The following RBMS3 variants were observed in gnomAD, a reference collection of about 807,000 sequenced individuals.
The protein encoded by RBMS3 is RNA binding motif single stranded interacting protein 3, also known as RNA-binding motif, single-stranded-interacting protein 3.
Under a neutral mutation model 66.8 loss-of-function variants are expected in RBMS3, and 27 were observed. That is an observed-to-expected ratio of 0.40 (90% confidence interval 0.30 to 0.56). RBMS3 has a LOEUF of 0.56. RBMS3 is among the 20% of genes least tolerant of loss of function. The pLI, the probability that RBMS3 is intolerant of heterozygous loss-of-function variation, is 0.40. For synonymous variants in RBMS3, 188 were observed against 183.0 expected (o/e 1.03, Z -0.22); for missense variants, 513 against 549.5 (o/e 0.93, Z 0.66).
At chr3:29,722,318 A>C (rs1327541894) in intron 4 of RBMS3, among the ~76,000 whole-genome samples, 1 of 152,048 alleles carries the variant, frequency 6.6e-6, no homozygotes, top group African/African-American at 2.4e-5. Context: ...CATTTTCTCT[A>C]TTAATATATA....
intron 4 of RBMS3, among the ~76,000 whole-genome samples, chr3:29,703,673 G>T (rs575328775): frequency 6.6e-6 from 1 of 152,288 alleles, no homozygotes; most frequent in African/African-American, 2.4e-5. Flanking sequence ...AAACTCACCT[G>T]ATTAGAATGG....
rs531581982 is a variant in RBMS3, at chr3:29,541,349, G to A, written c.308-45765G>A. On this transcript the variant is annotated intron_variant, in intron 3 of 14. Transcript: ENST00000383767. ...CTTCCCAAACCGGCTCTTCTTGGAA[G>A]CTTTCCTAACTTAGTAAAAGTCAAC... Among the ~76,000 whole-genome samples the A allele has an allele frequency of 2.6e-5, 4 of 152,198 alleles. No individual in the cohort carries two copies. In the Middle Eastern group the frequency reaches 0.014, roughly 518 times the overall value.
chr3:29,344,324 A>C (rs1248245433), intron 1 of RBMS3, among the ~76,000 whole-genome samples: 2 of 152,184 alleles, frequency 1.3e-5, no homozygotes, highest in East Asian at 3.9e-4. Context: ...CTGTCACAGT[A>C]CCATGTGGTC....
intron 3 of RBMS3, among the ~76,000 whole-genome samples, chr3:29,559,029 G>A (rs905875673): frequency 6.6e-6 from 1 of 152,110 alleles, no homozygotes. Context: ...AGATAAGTCA[G>A]TGTGTGAGAC....
chr3:29,931,645 A>AACAAC (rs1338228071), intron 10 of RBMS3, among the ~76,000 whole-genome samples: 1 of 151,750 alleles, frequency 6.6e-6, no homozygotes, highest in Non-Finnish European at 1.5e-5. Flanking sequence ...AACAAAACAA[A>AACAAC]ACAAAACAAA....
chr3:29,887,056 T>C (rs2059889150), intron 8 of RBMS3, among the ~76,000 whole-genome samples: 1 of 151,840 alleles, frequency 6.6e-6, no homozygotes, highest in Non-Finnish European at 1.5e-5. Context: ...TTATTACTTA[T>C]ATACCATAAG....
At chr3:29,725,976 C>T (rs994980729) in intron 4 of RBMS3, among the ~76,000 whole-genome samples, 5 of 152,196 alleles carry the variant, frequency 3.3e-5, no homozygotes, top group Non-Finnish European at 1.5e-5. Flanking sequence ...ACTTGCAAAC[C>T]GAATCTGGCA....
At chr3:29,937,224 A>C (rs573109896) in intron 11 of RBMS3, among the ~76,000 whole-genome samples, 1 of 152,058 alleles carries the variant, frequency 6.6e-6, no homozygotes, top group Non-Finnish European at 1.5e-5. Context: ...TATCTAGTTG[A>C]AGTATTAAAC....
At chr3:29,909,842 TAAC>T (rs1350833838) in intron 10 of RBMS3, among the ~76,000 whole-genome samples, 1 of 152,118 alleles carries the variant, frequency 6.6e-6, no homozygotes, top group Admixed American at 6.6e-5. Context: ...GTTATTTTAC[TAAC>T]AACCTTTAAA....
chr3:29,698,242 G>T lies in RBMS3; in HGVS notation c.400-41478G>T, dbSNP rs9856084. The T allele has an allele frequency of 0.022, 21,735 of 985,282 alleles. 3,168 individuals carry two copies. In the African/African-American group the frequency reaches 0.32, roughly 15 times the overall value. The allele number at this position is 985,282 out of a possible 1,614,324, so 61.0% of individuals were successfully genotyped here. On this transcript the variant is annotated intron_variant, in intron 4 of 14. Transcript: ENST00000383767. ...TCCAGAAAGTTCTGAGTAATGCACAGAATTCTACATACACAGCAAATGCAG... is the reference window on the plus strand; with the variant it reads ...TCCAGAAAGTTCTGAGTAATGCACATAATTCTACATACACAGCAAATGCAG...
chr3:29,286,090 GT>G (rs2032304432), intron 1 of RBMS3, among the ~76,000 whole-genome samples: 1 of 152,104 alleles, frequency 6.6e-6, no homozygotes, highest in African/African-American at 2.4e-5. Context: ...TACAAAACTA[GT>G]TTTCTAAAAT....
At chr3:29,819,398 A>G in intron 6 of RBMS3, among the ~76,000 whole-genome samples, 1 of 152,240 alleles carries the variant, frequency 6.6e-6, no homozygotes, top group Non-Finnish European at 1.5e-5. Context: ...AACTTTATTT[A>G]CATAAACAGA....
intron 2 of RBMS3, among the ~76,000 whole-genome samples, chr3:29,448,674 G>T (rs1039733199): frequency 6.6e-6 from 1 of 152,154 alleles, no homozygotes; most frequent in Non-Finnish European, 1.5e-5. Flanking sequence ...TACTCTTTCT[G>T]GTTTGCTCAG....
At chr3:29,997,194 T>A (rs910277179) in intron 14 of RBMS3, among the ~76,000 whole-genome samples, 65 of 152,210 alleles carry the variant, frequency 4.3e-4, no homozygotes, top group Non-Finnish European at 1.3e-4. Context: ...CCTGGACACA[T>A]ACACTCTCTC....
rs140263327 is a variant in RBMS3 at position 29,771,245 on chromosome 3, T to A, written c.637+8256T>A. Among the ~76,000 whole-genome samples the A allele has an allele frequency of 2.6e-4, 40 of 152,144 alleles. 1 individual carries two copies. In the East Asian group the frequency reaches 7.6e-3, roughly 29 times the overall value. ...AAAAAATAAATCTTTCATAGGAAAT[T>A]GGCATGCTTATGAAGGTTCATTTGT... On this transcript the variant is annotated intron_variant, in intron 6 of 14. Transcript: ENST00000383767.
chr3:29,460,342 T>C (rs1024469429), intron 2 of RBMS3, among the ~76,000 whole-genome samples: 1 of 152,246 alleles, frequency 6.6e-6, no homozygotes, highest in African/African-American at 2.4e-5. Flanking sequence ...TTCCACATAG[T>C]AAGCATAGAT....
At position 29,281,418 on chromosome 3, in the gene RBMS3, G is replaced by A. The variant is rs1325774753; in HGVS notation, c.-264G>A. On this transcript the variant is annotated 5_prime_UTR_variant, in exon 1 of 15. Coordinates refer to ENST00000383767, the MANE Select transcript of RBMS3 (RefSeq NM_001003793.3). ...GGACCCCGGCAGCTGGGGGAAGCCA[G>A]GCAAGATCTGGGAAGGCTGTGTGTG... The A allele has an allele frequency of 4.0e-6, 2 of 500,328 alleles. No homozygotes were observed. The highest frequency in any genetic ancestry group is 4.0e-5 in the African/African-American group (2 of 49,472). The allele number at this position is 500,328 out of a possible 1,614,324, so 31.0% of individuals were successfully genotyped here.
intron 4 of RBMS3, among the ~76,000 whole-genome samples, chr3:29,711,159 A>C (rs1014395397): frequency 3.3e-5 from 5 of 152,220 alleles, no homozygotes; most frequent in African/African-American, 1.2e-4. Flanking sequence ...TTAACTAATA[A>C]TAAAAGAGGA....
chr3:29,374,743 T>G (rs1014135450), intron 1 of RBMS3, among the ~76,000 whole-genome samples: 6 of 152,206 alleles, frequency 3.9e-5, no homozygotes, highest in African/African-American at 9.7e-5. Context: ...TAATAAAAAC[T>G]TGAGCAGCAA....
Sources: gnomAD v4.1 joint callset for allele counts (sites outside exome capture counted in the v4.1 genomes callset) on GRCh38, gnomAD v4.1.1 for gene constraint, MANE v1.5 for transcripts, NCBI Gene and HGNC (gene_info 2026-07-23, HGNC 2026-07-21) for gene names.